Variants in ADGRB3 observed in about 807,000 individuals in gnomAD.
ADGRB3 encodes adhesion G protein-coupled receptor B3.
ADGRB3 carries 37 observed loss-of-function variants against 193.4 expected under a neutral mutation model. That is an observed-to-expected ratio of 0.19 (90% CI 0.15 to 0.25). The LOEUF is 0.25. Among genes scored for constraint, ADGRB3 ranks in the 10% least tolerant of loss-of-function variants. The pLI is 1.00. For missense variants in ADGRB3, 1,637 were observed against 1,852.9 expected, an observed-to-expected ratio of 0.88 and a Z score of 2.14; for synonymous variants, 690 against 644.2, an observed-to-expected ratio of 1.07 and a Z score of -1.08.
At chr6:68,751,807 A>G (rs1319773093) in intron 3 of ADGRB3, among the ~76,000 whole-genome samples, 10 of 152,180 alleles carry the variant, frequency 6.6e-5, no homozygotes, top group Non-Finnish European at 1.3e-4. Flanking sequence ...GGCATACTGT[A>G]ATTATTTTAA....
intron 15 of ADGRB3, among the ~76,000 whole-genome samples, chr6:69,054,836 G>A (rs984947320): frequency 6.6e-6 from 1 of 152,036 alleles, no homozygotes; most frequent in African/African-American, 2.4e-5. Context: ...ACTGATTTTA[G>A]TTTTAAAAAC....
chr6:69,103,591 C>T (rs1773127787), intron 17 of ADGRB3, among the ~76,000 whole-genome samples: 2 of 151,880 alleles, frequency 1.3e-5, no homozygotes, highest in African/African-American at 4.8e-5. Context: ...TTTCATCTAT[C>T]TTAAAGTGGC....
At chr6:68,698,925 T>C (rs531021453) in intron 3 of ADGRB3, among the ~76,000 whole-genome samples, 2 of 152,256 alleles carry the variant, frequency 1.3e-5, no homozygotes, top group South Asian at 4.1e-4. Context: ...AGATTATTTG[T>C]ACAAATTTTC....
At chr6:69,228,238 C>T (rs1766060610) in intron 17 of ADGRB3, among the ~76,000 whole-genome samples, 1 of 152,164 alleles carries the variant, frequency 6.6e-6, no homozygotes, top group Non-Finnish European at 1.5e-5. Context: ...GCCTGGACAA[C>T]AGAGCAAGAC....
chr6:69,229,487 G>A (rs187863139), intron 17 of ADGRB3, among the ~76,000 whole-genome samples: 1 of 152,220 alleles, frequency 6.6e-6, no homozygotes, highest in East Asian at 1.9e-4. Context: ...TTGAATAAAT[G>A]TATTCCTAAT....
chr6:69,185,602 G>A (rs539321764), intron 17 of ADGRB3, among the ~76,000 whole-genome samples: 70 of 152,188 alleles, frequency 4.6e-4, no homozygotes, highest in African/African-American at 1.5e-3. Flanking sequence ...AAAGGACTAC[G>A]TTCATTCTTA....
At chr6:68,833,000 G>A (rs561172032) in intron 3 of ADGRB3, among the ~76,000 whole-genome samples, 1 of 152,152 alleles carries the variant, frequency 6.6e-6, no homozygotes, top group South Asian at 2.1e-4. Context: ...GCTATTACCA[G>A]CAGTGTGCTC....
At chr6:68,785,843 G>T (rs540222499) in intron 3 of ADGRB3, among the ~76,000 whole-genome samples, 1 of 151,978 alleles carries the variant, frequency 6.6e-6, no homozygotes, top group Admixed American at 6.6e-5. Context: ...TTTAATGATC[G>T]CCATTCTAAC....
chr6:68,986,921 G>A (rs1186204713), intron 10 of ADGRB3, among the ~76,000 whole-genome samples: 1 of 151,960 alleles, frequency 6.6e-6, no homozygotes, highest in Admixed American at 6.6e-5. Flanking sequence ...AAAGAATAAG[G>A]TTATTTCAGA....
At chr6:68,754,235 G>T (rs778821031) in intron 3 of ADGRB3, among the ~76,000 whole-genome samples, 2 of 152,180 alleles carry the variant, frequency 1.3e-5, no homozygotes, top group Admixed American at 6.5e-5. Context: ...TTATTCCCCT[G>T]TTAGATTAGG....
At chr6:69,015,225 G>C (rs1022791535) in intron 12 of ADGRB3, among the ~76,000 whole-genome samples, 6 of 151,884 alleles carry the variant, frequency 4.0e-5, no homozygotes, top group African/African-American at 1.4e-4. Context: ...GAAGAAATAT[G>C]TAATATCCTA....
chr6:69,116,336 A>G (rs1773531906), intron 17 of ADGRB3, among the ~76,000 whole-genome samples: 1 of 152,318 alleles, frequency 6.6e-6, no homozygotes, highest in East Asian at 1.9e-4. Context: ...CCCTCTCAGC[A>G]TGTTTCTAAA....
At chr6:69,368,198 C>T (rs774209189) in intron 29 of ADGRB3, among the ~76,000 whole-genome samples, 5 of 152,052 alleles carry the variant, frequency 3.3e-5, no homozygotes, top group East Asian at 3.9e-4. Context: ...ACTATCCATC[C>T]GTCCATTCAT....
intron 31 of ADGRB3, among the ~76,000 whole-genome samples, chr6:69,387,858 C>T (rs933946439): frequency 1.4e-4 from 21 of 151,956 alleles, no homozygotes; most frequent in African/African-American, 5.1e-4. Context: ...ATTTGGGGAG[C>T]AGGGAAGGCT....
intron 3 of ADGRB3, among the ~76,000 whole-genome samples, chr6:68,789,389 T>G (rs556861584): frequency 0.011 from 1,712 of 152,002 alleles, 31 homozygotes; most frequent in African/African-American, 0.037. Context: ...GTCTGTAAAG[T>G]ATTTTATTTC....
intron 17 of ADGRB3, among the ~76,000 whole-genome samples, chr6:69,104,390 T>C (rs917938990): frequency 6.6e-6 from 1 of 151,882 alleles, no homozygotes; most frequent in Non-Finnish European, 1.5e-5. Context: ...GGCTGCATAG[T>C]ATTCCATGGT....
chr6:69,207,417 G>A (rs894259265), intron 17 of ADGRB3, among the ~76,000 whole-genome samples: 1 of 152,060 alleles, frequency 6.6e-6, no homozygotes, highest in Non-Finnish European at 1.5e-5. Context: ...AGCCCCCCTA[G>A]GCATTGTGCC....
intron 3 of ADGRB3, among the ~76,000 whole-genome samples, chr6:68,879,190 C>T (rs1389095054): frequency 7.1e-6 from 1 of 140,556 alleles, no homozygotes; most frequent in East Asian, 2.0e-4. Context: ...CTCCATTTCT[C>T]TTTTCTGCTT....
chr6:69,246,610 G>A (rs1766503450), intron 20 of ADGRB3, among the ~76,000 whole-genome samples: 1 of 152,174 alleles, frequency 6.6e-6, no homozygotes, highest in Non-Finnish European at 1.5e-5. Context: ...TTCATTTCCA[G>A]ATTTGTGTGG....
Sources: allele counts gnomAD v4.1 joint callset (sites outside exome capture counted in the v4.1 genomes callset), GRCh38; gene constraint gnomAD v4.1.1; transcripts MANE v1.5; gene names NCBI Gene and HGNC (gene_info 2026-07-23, HGNC 2026-07-21).